The following FANCC variants were observed in gnomAD, a reference collection of about 807,000 sequenced individuals.
FANCC encodes FA complementation group C.
FANCC carries 55 observed loss-of-function variants against 71.3 expected under a neutral mutation model. The ratio of observed to expected loss-of-function variants is 0.77; its 90% CI spans 0.62 to 0.97. The LOEUF (loss-of-function observed/expected upper bound fraction) is 0.97, where lower values mean the gene tolerates loss of function less well. Among genes scored for constraint, FANCC ranks in the 50% least tolerant of loss-of-function variants. FANCC has a pLI of 0.00. For missense variants in FANCC, 678 were observed against 670.9 expected, an observed-to-expected ratio of 1.01 and a Z score of -0.12; for synonymous variants, 275 against 244.9, an observed-to-expected ratio of 1.12 and a Z score of -1.15.
At chr9:95,140,814 T>C (rs1048028973) in intron 7 of FANCC, among the ~76,000 whole-genome samples, 22 of 152,122 alleles carry the variant, frequency 1.4e-4, no homozygotes, top group African/African-American at 4.8e-4. Flanking sequence ...GCATCATAAT[T>C]CAGACAAAAG....
At position 95,208,504 on chromosome 9, in the gene FANCC, T is replaced by A. The variant is rs77607383; in HGVS notation, c.345+32145A>T. Among the ~76,000 whole-genome samples the A allele has an allele frequency of 3.3e-3, 505 of 152,266 alleles. 9 individuals are homozygous for A. The East Asian group carries it at 0.044, about 13-fold the overall frequency. The stretch of plus-strand genomic sequence containing the variant: ...AAAAGCCACAGAGTAGGAGAAAATA[T>A]TTTAAAAAGACATATTCATATAAAG... On this transcript the variant is annotated intron_variant, in intron 4 of 14. Coordinates refer to ENST00000289081, the MANE Select transcript of FANCC (RefSeq NM_000136.3).
At chr9:95,187,381 C>T (rs1294687172) in intron 4 of FANCC, among the ~76,000 whole-genome samples, 4 of 152,230 alleles carry the variant, frequency 2.6e-5, no homozygotes, top group African/African-American at 9.6e-5. Flanking sequence ...TCTGGCTCAT[C>T]TCCAATGCCT....
At chr9:95,122,541 G>A (rs2072967233) in intron 10 of FANCC, among the ~76,000 whole-genome samples, 1 of 152,140 alleles carries the variant, frequency 6.6e-6, no homozygotes, top group Non-Finnish European at 1.5e-5. Context: ...TTTGTTTTTG[G>A]ATCCCTGCCT....
At chr9:95,257,682 G>T (rs941490906) in intron 1 of FANCC, among the ~76,000 whole-genome samples, 3 of 152,120 alleles carry the variant, frequency 2.0e-5, no homozygotes, top group African/African-American at 7.2e-5. Context: ...ACTAAGATCA[G>T]AGCAGAACTG....
chr9:95,183,756 C>T lies in FANCC; in HGVS notation c.346-11609G>A, dbSNP rs115572704. Among the ~76,000 whole-genome samples the T allele has an allele frequency of 3.7e-3, 563 of 152,154 alleles. 4 individuals are homozygous for T. Among genetic ancestry groups the T allele is most frequent in the African/African-American group, 0.012 (493 of 41,514 alleles). Reference sequence around the variant, plus strand: ...GGTGCTGGGATTAGAACATCCAGGACGGACAGGAAAAGCAGAAGCAAAGGG... The same window carrying T: ...GGTGCTGGGATTAGAACATCCAGGATGGACAGGAAAAGCAGAAGCAAAGGG... On this transcript the variant is annotated intron_variant, in intron 4 of 14. Transcript: ENST00000289081.
At chr9:95,223,596 C>G (rs1829421116) in intron 4 of FANCC, among the ~76,000 whole-genome samples, 1 of 152,156 alleles carries the variant, frequency 6.6e-6, no homozygotes. Flanking sequence ...ATAAGTAATA[C>G]AAGCTAATTA....
intron 1 of FANCC, among the ~76,000 whole-genome samples, chr9:95,289,334 T>C (rs537346376): frequency 2.6e-5 from 4 of 152,306 alleles, no homozygotes; most frequent in Admixed American, 6.5e-5. Flanking sequence ...TTAACAGGTA[T>C]GATTTTTACA....
chr9:95,211,792 G>T (rs1828514946), intron 4 of FANCC, among the ~76,000 whole-genome samples: 1 of 148,858 alleles, frequency 6.7e-6, no homozygotes, highest in South Asian at 2.1e-4. Context: ...AAGTAGTAAA[G>T]ACCTTAAACA....
intron 4 of FANCC, among the ~76,000 whole-genome samples, chr9:95,234,111 C>T (rs1830163790): frequency 6.6e-6 from 1 of 152,212 alleles, no homozygotes; most frequent in African/African-American, 2.4e-5. Flanking sequence ...AAAAATACTA[C>T]TATGAATGCA....
chr9:95,228,064 A>G (rs920423666), intron 4 of FANCC, among the ~76,000 whole-genome samples: 2 of 151,950 alleles, frequency 1.3e-5, no homozygotes, highest in Non-Finnish European at 2.9e-5. Context: ...CCACCCCTTC[A>G]CTTGGTAAAA....
At chr9:95,147,457 G>A (rs938295967) in intron 7 of FANCC, among the ~76,000 whole-genome samples, 4 of 152,082 alleles carry the variant, frequency 2.6e-5, no homozygotes, top group Non-Finnish European at 5.9e-5. Context: ...CAGAGGTTGC[G>A]GTGAGCCGAG....
intron 9 of FANCC, among the ~76,000 whole-genome samples, chr9:95,125,636 TTA>T (rs1345711107): frequency 6.6e-6 from 1 of 152,234 alleles, no homozygotes; most frequent in Non-Finnish European, 1.5e-5. Flanking sequence ...TAATTTTTCT[TTA>T]TGTTTGTTTA....
intron 1 of FANCC, among the ~76,000 whole-genome samples, chr9:95,263,881 A>G (rs760100654): frequency 2.0e-5 from 3 of 152,158 alleles, no homozygotes; most frequent in Non-Finnish European, 4.4e-5. Context: ...TATATTATGG[A>G]AATATAGGGC....
chr9:95,174,836 G>C lies in FANCC; in HGVS notation c.346-2689C>G, dbSNP rs569862083. ...ATGGGCAGGCAGGCTCCATAGACCCGGGACGACAAGCACGTGGCACACATA... is the reference window on the plus strand; with the variant it reads ...ATGGGCAGGCAGGCTCCATAGACCCCGGACGACAAGCACGTGGCACACATA... On this transcript the variant is annotated intron_variant, in intron 4 of 14. Transcript: ENST00000289081. Among the ~76,000 whole-genome samples, 82 of 152,062 alleles carry C rather than the reference G, an allele frequency of 5.4e-4. 2 individuals are homozygous for C. The South Asian group carries it at 0.016, about 30-fold the overall frequency.
chr9:95,186,946 C>T (rs1018741923), intron 4 of FANCC, among the ~76,000 whole-genome samples: 3 of 152,144 alleles, frequency 2.0e-5, no homozygotes, highest in African/African-American at 7.2e-5. Flanking sequence ...CATGCGCCAC[C>T]ACGCCTGGCT....
intron 4 of FANCC, among the ~76,000 whole-genome samples, chr9:95,204,576 G>A (rs1828001459): frequency 1.3e-5 from 2 of 152,114 alleles, no homozygotes; most frequent in South Asian, 4.1e-4. Context: ...GGAAAGGGGA[G>A]ACTAAACACT....
chr9:95,142,771 G>A (rs1341914913), intron 7 of FANCC, among the ~76,000 whole-genome samples: 2 of 152,158 alleles, frequency 1.3e-5, no homozygotes, highest in Non-Finnish European at 2.9e-5. Flanking sequence ...CCCGAGCTGC[G>A]AGTGTTAGAG....
intron 4 of FANCC, among the ~76,000 whole-genome samples, chr9:95,203,434 C>T (rs1588275381): frequency 6.7e-6 from 1 of 148,856 alleles, no homozygotes; most frequent in African/African-American, 2.5e-5. Context: ...ATTAAAACCT[C>T]GTAACCGCAG....
At chr9:95,230,520 T>A (rs1829935972) in intron 4 of FANCC, among the ~76,000 whole-genome samples, 1 of 152,186 alleles carries the variant, frequency 6.6e-6, no homozygotes, top group African/African-American at 2.4e-5. Flanking sequence ...CAGTGAGTGT[T>A]ACAGTTCTTA....
Sources: gnomAD v4.1 joint callset for allele counts (sites outside exome capture counted in the v4.1 genomes callset) on GRCh38, gnomAD v4.1.1 for gene constraint, MANE v1.5 for transcripts, NCBI Gene and HGNC (gene_info 2026-07-23, HGNC 2026-07-21) for gene names.